DIP2A: variants seen among roughly 807,000 people sequenced by gnomAD.
DIP2A encodes DIP2 acetate--CoA ligase A, also known as disco-interacting protein 2 homolog A.
DIP2A carries 85 observed loss-of-function variants against 177.4 expected under a neutral mutation model. The ratio of observed to expected loss-of-function variants is 0.48; its 90% CI spans 0.40 to 0.57. The LOEUF is 0.57. Ranked by LOEUF, DIP2A falls within the 20% of genes least tolerant of loss-of-function variation. The pLI, the probability that DIP2A is intolerant of heterozygous loss-of-function variation, is 0.00. For synonymous variants in DIP2A, 886 were observed against 881.8 expected (o/e 1.00, Z -0.08); for missense variants, 1,791 against 2,100.2 (o/e 0.85, Z 2.88).
chr21:46,504,449 T>C lies in DIP2A; in HGVS notation c.744T>C (p.Val248=). ...CACAGGTGGCTTCTGTGAGAAGTGT[T>C]CCTCGGGGGTGCAGCGGGAGCATGC... ...ERPQVASVRS[V]PRGCSGSMLE... is the part of the protein sequence containing the mutation. Residue 248 remains valine, a synonymous_variant, in exon 6 of 38, where the codon GTT becomes GTC. Transcript: ENST00000417564. 1 of 1,613,272 alleles carries C rather than the reference T, an allele frequency of 6.2e-7. No homozygotes were observed. The highest frequency in any genetic ancestry group is 8.5e-7 in the Non-Finnish European group (1 of 1,179,402).
chr21:46,564,003 T>A, intron 35 of DIP2A, 71 bp downstream of exon 35: 1 of 1,546,634 alleles, frequency 6.5e-7, no homozygotes, highest in Non-Finnish European at 8.8e-7. Context: ...CCCTTTTTGC[T>A]TCAGATTTTG....
the DIP2A span, among the ~76,000 whole-genome samples, chr21:46,578,414 T>G: frequency 6.6e-6 from 1 of 152,248 alleles, no homozygotes; most frequent in Non-Finnish European, 1.5e-5. Flanking sequence ...CAGAGGCAGT[T>G]TGACTTCCTC....
intron 8 of DIP2A, among the ~76,000 whole-genome samples, chr21:46,523,954 G>T (rs2058946728): frequency 6.6e-6 from 1 of 152,238 alleles, no homozygotes; most frequent in African/African-American, 2.4e-5. Flanking sequence ...TATGGGGAAG[G>T]TGAGGAGCTC....
intron 12 of DIP2A, 81 bp downstream of exon 12, chr21:46,534,194 C>G (rs1231280827): frequency 8.5e-7 from 1 of 1,172,380 alleles, no homozygotes; most frequent in Non-Finnish European, 1.2e-6. Context: ...ATGTAAGTTG[C>G]TATTCTTTTT....
chr21:46,529,327 CG>C, intron 9 of DIP2A, 144 bp downstream of exon 9: 1 of 601,022 alleles, frequency 1.7e-6, no homozygotes, highest in Non-Finnish European at 2.8e-6. Context: ...GGACTGGGTG[CG>C]GTGGCTCATG....
chr21:46,560,209 A>G (rs1461614519), intron 32 of DIP2A, among the ~76,000 whole-genome samples: 1 of 152,212 alleles, frequency 6.6e-6, no homozygotes, highest in Non-Finnish European at 1.5e-5. Context: ...TATTGAATAA[A>G]ATGACACATA....
chr21:46,546,929 C>T lies in DIP2A; in HGVS notation c.2409C>T (p.Phe803=). The T allele has an allele frequency of 6.2e-7, 1 of 1,613,882 alleles. No homozygotes were observed. The highest frequency in any genetic ancestry group is 1.1e-5 in the South Asian group (1 of 91,058). ...CTTTCCCTCAGGACAACCTGGTCTT[C>T]ATCGTGGGCAAACTGGACGGGCTGA... ...LGFIGPDNLV[F]IVGKLDGLMV... is the part of the protein sequence containing the mutation. Residue 803 remains phenylalanine (F), a synonymous_variant, in exon 21 of 38, where the codon TTC becomes TTT. Transcript: ENST00000417564.
intron 6 of DIP2A, among the ~76,000 whole-genome samples, chr21:46,504,697 A>G (rs146734078): frequency 6.6e-5 from 10 of 152,384 alleles, no homozygotes; most frequent in Non-Finnish European, 1.5e-4. Flanking sequence ...GGAATTGGTC[A>G]GAGGGGAAAC....
intron 4 of DIP2A, among the ~76,000 whole-genome samples, 200 bp downstream of exon 4, chr21:46,497,307 G>A (rs897748880): frequency 1.6e-4 from 25 of 152,114 alleles, no homozygotes; most frequent in Non-Finnish European, 4.4e-5. Flanking sequence ...TACCCAAATG[G>A]GTACTTGCTT....
At chr21:46,574,659 A>C (rs2060982137), downstream of DIP2A, among the ~76,000 whole-genome samples, 1 of 152,166 alleles carries the variant, frequency 6.6e-6, no homozygotes, top group Non-Finnish European at 1.5e-5. Flanking sequence ...AAAGCATTAA[A>C]AAATACTATG....
intron 8 of DIP2A, among the ~76,000 whole-genome samples, chr21:46,513,757 A>G (rs73372085): frequency 0.076 from 11,592 of 152,186 alleles, 1,077 homozygotes; most frequent in African/African-American, 0.23. Context: ...TGATGCTCAA[A>G]GAAAATGCTC....
intron 37 of DIP2A, among the ~76,000 whole-genome samples, chr21:46,567,132 T>C (rs2060860425): frequency 6.6e-6 from 1 of 152,252 alleles, no homozygotes; most frequent in Non-Finnish European, 1.5e-5. Flanking sequence ...AGGGAACTTG[T>C]GTTGGGACAG....
chr21:46,467,108 A>G (rs895161932), intron 1 of DIP2A, among the ~76,000 whole-genome samples: 2 of 151,842 alleles, frequency 1.3e-5, no homozygotes, highest in Non-Finnish European at 2.9e-5. Context: ...CATCCTGGCT[A>G]ACACAGCGAA....
rs199679079 is a variant in DIP2A, at chr21:46,550,627, A to G, written c.2722A>G (p.Ile908Val). The G allele has an allele frequency of 2.5e-5, 41 of 1,613,750 alleles. No individual in the cohort carries two copies. The highest frequency in any genetic ancestry group is 2.0e-4 in the East Asian group (9 of 44,866). The change falls in exon 23 of 38, where the codon ATT becomes GTT. Residue 908 changes from isoleucine to valine, a missense_variant. Coordinates refer to ENST00000417564, the MANE Select transcript of DIP2A (RefSeq NM_015151.4). ...NTLPKAPLGGIHISETKQRFL... is the reference protein window; with the variant it reads ...NTLPKAPLGGVHISETKQRFL... ...CTTGCCCAAGGCTCCTCTCGGAGGG[A>G]TTCACATTTCTGAAACCAAACAGCG...
chr21:46,475,294 T>C (rs1353725634), intron 1 of DIP2A, among the ~76,000 whole-genome samples: 1 of 152,256 alleles, frequency 6.6e-6, no homozygotes, highest in Non-Finnish European at 1.5e-5. Flanking sequence ...TACCTGCTAT[T>C]TTAAAAGGTT....
chr21:46,498,392 G>C lies in DIP2A; in HGVS notation c.404-190G>C, dbSNP rs536632438. On this transcript the variant is annotated intron_variant, in intron 4 of 37. Transcript: ENST00000417564. The surrounding 1 kb of genome is among the most constrained non-coding windows in gnomAD (Gnocchi z 4.3). Reference sequence around the variant, plus strand: ...GGCTCATGGAATCATTTTCCCCACAGTAGGGCTTCTTGCATGCCCTTCTAG... The same window carrying C: ...GGCTCATGGAATCATTTTCCCCACACTAGGGCTTCTTGCATGCCCTTCTAG... Among the ~76,000 whole-genome samples the C allele has an allele frequency of 2.6e-5, 4 of 152,130 alleles. No homozygotes were observed. The highest frequency in any genetic ancestry group is 5.9e-5 in the Non-Finnish European group (4 of 68,028).
At chr21:46,546,808 A>G in intron 20 of DIP2A, 107 bp from the exon 21 acceptor site, 1 of 1,326,726 alleles carries the variant, frequency 7.5e-7, no homozygotes, top group East Asian at 2.5e-5. Context: ...GCAAGGCGCT[A>G]GAGGCTCCTG....
chr21:46,479,498 G>A (rs1003531171), intron 1 of DIP2A, among the ~76,000 whole-genome samples: 2 of 152,128 alleles, frequency 1.3e-5, no homozygotes, highest in African/African-American at 4.8e-5. Context: ...TGCTGTGGAA[G>A]CATATCTATA....
At chr21:46,539,809 G>T (rs1382580667) in intron 16 of DIP2A, 68 bp from the exon 17 acceptor site, 2 of 1,333,412 alleles carry the variant, frequency 1.5e-6, no homozygotes, top group Non-Finnish European at 2.2e-6. Context: ...ACTTGAGCAT[G>T]TCCAGCCACC....
Sources: allele counts gnomAD v4.1 joint callset (sites outside exome capture counted in the v4.1 genomes callset), GRCh38; gene constraint gnomAD v4.1.1; non-coding constraint Gnocchi (gnomAD v3.1); transcripts MANE v1.5; gene names NCBI Gene and HGNC (gene_info 2026-07-23, HGNC 2026-07-21).